Variants in ZBTB25 observed in about 807,000 individuals in gnomAD.
ZBTB25 encodes zinc finger and BTB domain containing 25.
ZBTB25 carries 20 observed loss-of-function variants against 34.2 expected under a neutral mutation model. The observed-to-expected ratio is 0.58, with a 90% confidence interval of 0.41 to 0.85. ZBTB25 has a LOEUF of 0.85. ZBTB25 is among the 40% of genes least tolerant of loss of function. The pLI, the probability that ZBTB25 is intolerant of heterozygous loss-of-function variation, is 0.00. For missense variants in ZBTB25, 437 were observed against 521.8 expected (o/e 0.84, Z 1.58); for synonymous variants, 175 against 186.4 (o/e 0.94, Z 0.50).
chr14:64,486,285 C>T lies in ZBTB25; in HGVS notation c.*638G>A, dbSNP rs1555342502. 2 of 979,976 alleles carry T rather than the reference C, an allele frequency of 2.0e-6. No homozygotes were observed. Among genetic ancestry groups the T allele is most frequent in the Non-Finnish European group, 2.4e-6 (2 of 825,884 alleles). 60.7% of individuals were successfully genotyped at this position (979,976 alleles called of 1,614,324 possible). On this transcript the variant is annotated 3_prime_UTR_variant, in exon 3 of 3. Coordinates refer to ENST00000608382, the MANE Select transcript of ZBTB25 (RefSeq NM_006977.5). ...CCACTGCGCCCCAGCCTGGGCGACA[C>T]AGAGAGACTCTGTCTCAAAAAAAAA...
At chr14:64,468,812 A>G in intron 2 of ZBTB25, 1 of 1,614,224 alleles carries the variant, frequency 6.2e-7, no homozygotes, top group Non-Finnish European at 8.5e-7. Flanking sequence ...AAAAAGGAGT[A>G]ATCATTCCAA....
intron 1 of ZBTB25, among the ~76,000 whole-genome samples, chr14:64,491,990 A>G (rs1016326438): frequency 1.3e-5 from 2 of 151,926 alleles, no homozygotes; most frequent in Admixed American, 6.6e-5. Context: ...ACGGTGGTGC[A>G]TGCTTTAGTC....
intron 1 of ZBTB25, chr14:64,503,276 G>A (rs2079557874): frequency 1.0e-6 from 1 of 985,358 alleles, no homozygotes; most frequent in South Asian, 4.7e-5. Flanking sequence ...CATCTGGAAA[G>A]TCGCCCGCTC....
At chr14:64,464,467 G>GA (rs1236547983) in intron 2 of ZBTB25, among the ~76,000 whole-genome samples, 1 of 152,108 alleles carries the variant, frequency 6.6e-6, no homozygotes, top group Non-Finnish European at 1.5e-5. Flanking sequence ...TTCTTTCCTT[G>GA]ATAAGCCTCT....
intron 1 of ZBTB25, among the ~76,000 whole-genome samples, chr14:64,498,590 C>T (rs367563599): frequency 1.3e-5 from 2 of 152,136 alleles, no homozygotes; most frequent in Admixed American, 6.5e-5. Flanking sequence ...GGATTACAGG[C>T]GTAGGCCACT....
upstream of ZBTB25, chr14:64,504,404 C>T (rs1398792121): frequency 6.5e-6 from 1 of 152,770 alleles, no homozygotes; most frequent in Non-Finnish European, 1.5e-5. Flanking sequence ...GGAAAGCAGC[C>T]TCGCATCCTG....
chr14:64,453,996 A>G, intron 2 of ZBTB25: 2 of 700,468 alleles, frequency 2.9e-6, no homozygotes, highest in Non-Finnish European at 5.3e-6. Context: ...CCTCTGAAAT[A>G]CTGAGTTTGG....
At chr14:64,491,199 C>T (rs1422337017) in intron 1 of ZBTB25, among the ~76,000 whole-genome samples, 1 of 152,216 alleles carries the variant, frequency 6.6e-6, no homozygotes, top group Non-Finnish European at 1.5e-5. Flanking sequence ...GGCGCAGTGG[C>T]TCATGCCTGT....
intron 1 of ZBTB25, among the ~76,000 whole-genome samples, chr14:64,500,454 C>CAAAAAAAA (rs374975040): frequency 8.7e-4 from 45 of 51,780 alleles, no homozygotes; most frequent in Middle Eastern, 0.014. Flanking sequence ...CCCAATAAAG[C>CAAAAAAAA]AAAAAAAAAA....
At chr14:64,455,421 T>C (rs959608528) in intron 2 of ZBTB25, among the ~76,000 whole-genome samples, 1 of 152,332 alleles carries the variant, frequency 6.6e-6, no homozygotes, top group South Asian at 2.1e-4. Flanking sequence ...AAGGTGTCCA[T>C]TGCTTTCTTA....
intron 1 of ZBTB25, 45 bp from the exon 2 acceptor site, chr14:64,490,585 T>A: frequency 6.9e-7 from 1 of 1,445,306 alleles, no homozygotes; most frequent in Non-Finnish European, 9.2e-7. Flanking sequence ...TGTATGTATA[T>A]ACGCATTATT....
chr14:64,454,087 T>C (rs2078423647), intron 2 of ZBTB25, among the ~76,000 whole-genome samples: 1 of 152,172 alleles, frequency 6.6e-6, no homozygotes, highest in African/African-American at 2.4e-5. Flanking sequence ...AAATACAGAA[T>C]GTCTTACCAA....
At chr14:64,503,230 C>G (rs2079555998) in intron 1 of ZBTB25, 3 of 985,328 alleles carry the variant, frequency 3.0e-6, no homozygotes, top group African/African-American at 3.5e-5. Flanking sequence ...TAATCACAAG[C>G]TGGGAGTGGA....
chr14:64,477,093 A>C (rs769276717), downstream of ZBTB25, among the ~76,000 whole-genome samples: 1 of 152,210 alleles, frequency 6.6e-6, no homozygotes, highest in Non-Finnish European at 1.5e-5. Flanking sequence ...CCACTTGTCT[A>C]TCTTAGTTTA....
At chr14:64,456,925 C>T (rs777007633) in intron 2 of ZBTB25, among the ~76,000 whole-genome samples, 18 of 152,170 alleles carry the variant, frequency 1.2e-4, no homozygotes, top group Middle Eastern at 3.4e-3. Context: ...TGATTTGGAA[C>T]TTGTGTGTAT....
chr14:64,461,574 T>A (rs1482918063), intron 2 of ZBTB25: 4 of 28,884 alleles, frequency 1.4e-4, no homozygotes, highest in Admixed American at 1.1e-3. Flanking sequence ...TTTTTTTTCC[T>A]TTTTTTTTTT....
intron 2 of ZBTB25, chr14:64,453,607 A>G: frequency 1.5e-6 from 1 of 671,536 alleles, no homozygotes; most frequent in Non-Finnish European, 2.8e-6. Flanking sequence ...CCCAATCATC[A>G]ACCTCAAACT....
In ZBTB25 at chr14:64,478,999, C is replaced by A. The variant is rs2078747249; in HGVS notation, c.*7924G>T. On this transcript the variant is annotated 3_prime_UTR_variant, in exon 3 of 3. Transcript: ENST00000608382. Reference sequence around the variant, plus strand: ...TTCAAAACTGTCTTGCTGATTAATACATCTCTGATTTTTAATAATCACATT... The same window carrying A: ...TTCAAAACTGTCTTGCTGATTAATAAATCTCTGATTTTTAATAATCACATT... The A allele has an allele frequency of 6.6e-6, 1 of 152,164 alleles. No individual in the cohort carries two copies. The highest frequency in any genetic ancestry group is 1.5e-5 in the Non-Finnish European group (1 of 68,038). The allele number at this position is 152,164 out of a possible 1,614,324, so 9.4% of individuals were successfully genotyped here.
At chr14:64,469,686 T>A (rs780737287) in intron 2 of ZBTB25, 13 of 1,533,562 alleles carry the variant, frequency 8.5e-6, no homozygotes, top group Non-Finnish European at 1.1e-5. Flanking sequence ...TGACTTACTC[T>A]CCAGAGTCAC....
Sources: gnomAD v4.1 joint callset for allele counts (sites outside exome capture counted in the v4.1 genomes callset) on GRCh38, gnomAD v4.1.1 for gene constraint, MANE v1.5 for transcripts, NCBI Gene and HGNC (gene_info 2026-07-23, HGNC 2026-07-21) for gene names.